SPG7: variants seen among roughly 807,000 people sequenced by gnomAD.
The protein encoded by SPG7 is SPG7 matrix AAA peptidase subunit, paraplegin, also known as mitochondrial inner membrane m-AAA protease component paraplegin.
SPG7 carries 103 observed loss-of-function variants against 81.9 expected under a neutral mutation model. That is an observed-to-expected ratio of 1.26 (90% confidence interval 1.07 to 1.48). SPG7 has a LOEUF of 1.48. Ranked by LOEUF, SPG7 falls within the 40% of genes most tolerant of loss-of-function variation. SPG7 has a pLI of 0.00. For synonymous variants in SPG7, 534 were observed against 444.2 expected (o/e 1.20, Z -2.54); for missense variants, 1,241 against 1,087.3 (o/e 1.14, Z -1.99).
At chr16:89,519,218 C>T (rs1201290000) in intron 3 of SPG7, 3 of 151,870 alleles carry the variant, frequency 2.0e-5, no homozygotes, top group East Asian at 1.9e-4. Flanking sequence ...CTCCTGACCT[C>T]ATCATCTGCC....
intron 12 of SPG7, chr16:89,549,210 C>T (rs1310146702): frequency 2.0e-5 from 9 of 456,648 alleles, no homozygotes; most frequent in Non-Finnish European, 3.1e-5. Flanking sequence ...TGAGTGGGAA[C>T]CACAAGCCAG....
chr16:89,534,060 T>C (rs2058381262), intron 9 of SPG7, among the ~76,000 whole-genome samples: 1 of 152,126 alleles, frequency 6.6e-6, no homozygotes, highest in Non-Finnish European at 1.5e-5. Context: ...CATTCTGAAG[T>C]TCATTGACAT....
At chr16:89,548,936 C>T (rs1597659533) in intron 12 of SPG7, 1 of 454,202 alleles carries the variant, frequency 2.2e-6, no homozygotes, top group African/African-American at 2.0e-5. Flanking sequence ...GAGTTCCTCA[C>T]CCTCAATTCG....
chr16:89,545,889 GT>G (rs1226618761), intron 10 of SPG7: 2 of 442,270 alleles, frequency 4.5e-6, no homozygotes, highest in African/African-American at 4.1e-5. Context: ...GTGTTGCGCT[GT>G]CACCCAGGCT....
chr16:89,546,090 C>CTT, intron 10 of SPG7: 1 of 276,966 alleles, frequency 3.6e-6, no homozygotes, highest in Admixed American at 5.2e-5. Context: ...CAAGAGCGTT[C>CTT]TCTTTTTTTT....
At chr16:89,513,158 C>A in intron 3 of SPG7, 121 bp downstream of exon 3, 1 of 1,429,576 alleles carries the variant, frequency 7.0e-7, no homozygotes, top group Non-Finnish European at 9.5e-7. Flanking sequence ...TGCAGTGGCT[C>A]ACACTTGTAA....
chr16:89,512,998 A>G lies in SPG7; in HGVS notation c.337A>G (p.Lys113Glu). 1 of 1,613,200 alleles carries G rather than the reference A, an allele frequency of 6.2e-7. No homozygotes were observed. The highest frequency in any genetic ancestry group is 8.5e-7 in the Non-Finnish European group (1 of 1,179,278). ...TSRLKQKNKE[K>E]DKSKGKAPEE... ...AAGGTTGAAGCAGAAGAATAAGGAG[A>G]AGGATAAGTCGAAGGGGAAGGCGCC... The change falls in exon 3 of 17, where the codon AAG becomes GAG. Residue 113 changes from lysine (K) to glutamate (E), a missense_variant. Transcript: ENST00000645818.
chr16:89,544,676 C>T lies in SPG7; in HGVS notation c.1353C>T (p.Val451=), dbSNP rs1313993694. The T allele has an allele frequency of 6.2e-7, 1 of 1,614,036 alleles. No individual in the cohort carries two copies. Among genetic ancestry groups the T allele is most frequent in the African/African-American group, 1.3e-5 (1 of 74,934 alleles). Residue 451 remains valine (V), a synonymous_variant, in exon 10 of 17, where the codon GTC becomes GTT. Transcript: ENST00000645818. Reference sequence around the variant, plus strand: ...TGGGTACCACAGACCATGTCATCGTCCTGGCGTCCACGAACCGAGCTGACA... The same window carrying T: ...TGGGTACCACAGACCATGTCATCGTTCTGGCGTCCACGAACCGAGCTGACA... ...DGMGTTDHVI[V]LASTNRADIL...
Position 89,551,194 on chromosome 16 carries a change from G to C in SPG7, c.1779+585G>C, listed in dbSNP as rs137918829. ...CCACCGGGAGTCCGAGTGCTGCCAA[G>C]AGGAGGTCTCTACTCGGAACGCAGG... On this transcript the variant is annotated intron_variant, in intron 13 of 16. Coordinates refer to ENST00000645818, the MANE Select transcript of SPG7 (RefSeq NM_003119.4). The C allele has an allele frequency of 5.8e-3, 1,080 of 184,940 alleles. 13 individuals carry two copies. The highest frequency in any genetic ancestry group is 0.024 in the African/African-American group (1,032 of 43,026). 11.5% of individuals were successfully genotyped at this position (184,940 alleles called of 1,614,324 possible). A position where few individuals can be genotyped will look rare whatever the true frequency, so the allele number is the denominator to read the frequency against.
chr16:89,527,922 C>G (rs1272942220), intron 5 of SPG7, among the ~76,000 whole-genome samples: 2 of 151,500 alleles, frequency 1.3e-5, no homozygotes, highest in Non-Finnish European at 1.5e-5. Context: ...ATGGAGAACC[C>G]CATCTCTACA....
Position 89,549,091 on chromosome 16 carries a change from C to T in SPG7, c.1663+978C>T, listed in dbSNP as rs776917962. 30 of 456,316 alleles carry T rather than the reference C, an allele frequency of 6.6e-5. No homozygotes were observed. In the East Asian group the frequency reaches 1.1e-3, roughly 17 times the overall value. The allele number at this position is 456,316 out of a possible 1,614,324, so 28.3% of individuals were successfully genotyped here. On this transcript the variant is annotated intron_variant, in intron 12 of 16. Transcript: ENST00000645818. ...GCTTCTCTCCGACAGCCCTGCGGGT[C>T]GAGAGGACTGGCGCTGCCTGTGTCT...
intron 13 of SPG7, chr16:89,551,923 G>A (rs2058637959): frequency 6.6e-6 from 1 of 152,142 alleles, no homozygotes. Flanking sequence ...TACTGTATTT[G>A]ATGGGCAAAA....
intron 3 of SPG7, among the ~76,000 whole-genome samples, chr16:89,516,404 TAGCC>T (rs2058096878): frequency 6.6e-6 from 1 of 151,446 alleles, no homozygotes; most frequent in Non-Finnish European, 1.5e-5. Flanking sequence ...AAAAAAAAAT[TAGCC>T]AGGTGTGGTG....
At chr16:89,517,185 C>G (rs2058109405) in intron 3 of SPG7, 2 of 151,736 alleles carry the variant, frequency 1.3e-5, no homozygotes, top group South Asian at 4.2e-4. Flanking sequence ...CTGCATTCAG[C>G]CTTGTGTGTT....
chr16:89,529,640 T>C (rs2058314416), intron 6 of SPG7, 61 bp downstream of exon 6: 2 of 1,256,186 alleles, frequency 1.6e-6, no homozygotes, highest in African/African-American at 2.9e-5. Flanking sequence ...TGAATACTTT[T>C]CCCATAAGCT....
At chr16:89,542,023 GC>G (rs1036405208) in intron 9 of SPG7, 1 of 151,508 alleles carries the variant, frequency 6.6e-6, no homozygotes. Flanking sequence ...CCGCAGGGTG[GC>G]CATCCTGACA....
chr16:89,549,686 G>C (rs1479342198), intron 12 of SPG7: 1 of 171,428 alleles, frequency 5.8e-6, no homozygotes, highest in African/African-American at 2.4e-5. Context: ...AAAAAGCCTT[G>C]TCCCTGAGGC....
intron 9 of SPG7, chr16:89,536,793 G>A (rs1486394932): frequency 1.2e-6 from 2 of 1,614,102 alleles, no homozygotes; most frequent in Non-Finnish European, 1.7e-6. Context: ...TACCCTCCCA[G>A]GGGACCATGA....
At chr16:89,535,311 G>A (rs781209394) in intron 9 of SPG7, among the ~76,000 whole-genome samples, 6 of 152,160 alleles carry the variant, frequency 3.9e-5, no homozygotes, top group East Asian at 3.8e-4. Context: ...CCGCGTTCCC[G>A]TCTGCCTCTG....
Sources: allele counts gnomAD v4.1 joint callset (sites outside exome capture counted in the v4.1 genomes callset), GRCh38; gene constraint gnomAD v4.1.1; transcripts MANE v1.5; gene names NCBI Gene and HGNC (gene_info 2026-07-23, HGNC 2026-07-21).